The following CLIC5 variants were observed in gnomAD, a reference collection of about 807,000 sequenced individuals.
CLIC5 encodes CLIC family member 5, also known as chloride intracellular channel protein 5.
CLIC5 carries 20 observed loss-of-function variants against 24.7 expected under a neutral mutation model. The ratio of observed to expected loss-of-function variants is 0.81; its 90% CI spans 0.57 to 1.18. The LOEUF (loss-of-function observed/expected upper bound fraction) is 1.18. Ranked by LOEUF, CLIC5 falls within the 50% of genes most tolerant of loss-of-function variation. CLIC5 has a pLI of 0.00. For synonymous variants in CLIC5, 159 were observed against 135.6 expected, an observed-to-expected ratio of 1.17 and a Z score of -1.20; for missense variants, 341 against 326.1, an observed-to-expected ratio of 1.05 and a Z score of -0.35.
intron 1 of CLIC5, among the ~76,000 whole-genome samples, chr6:46,035,997 G>T (rs897062667): frequency 6.6e-6 from 1 of 151,826 alleles, no homozygotes; most frequent in South Asian, 2.1e-4. Flanking sequence ...TGCCTGCCTC[G>T]GCCTCCCAAA....
intron 1 of CLIC5, among the ~76,000 whole-genome samples, chr6:46,010,025 T>C (rs7764169): frequency 6.6e-6 from 1 of 152,108 alleles, no homozygotes; most frequent in South Asian, 2.1e-4. Flanking sequence ...TGTACTTCAG[T>C]TGCCATTGGT....
intron 1 of CLIC5, among the ~76,000 whole-genome samples, chr6:45,994,919 C>T (rs1268673852): frequency 1.3e-5 from 2 of 152,164 alleles, no homozygotes; most frequent in Non-Finnish European, 2.9e-5. Flanking sequence ...AATAACAGTC[C>T]TTTTCCTTTT....
At chr6:45,997,729 A>G (rs1014702290) in intron 1 of CLIC5, among the ~76,000 whole-genome samples, 3 of 152,204 alleles carry the variant, frequency 2.0e-5, no homozygotes, top group African/African-American at 7.2e-5. Context: ...GAAAGAACCA[A>G]TTTCCTGCCA....
chr6:45,921,646 T>C (rs192657786), intron 4 of CLIC5, among the ~76,000 whole-genome samples: 59 of 151,458 alleles, frequency 3.9e-4, no homozygotes, highest in Non-Finnish European at 5.6e-4. Flanking sequence ...AAATTCAGTG[T>C]CTGAAGTGAA....
At chr6:45,967,860 T>C (rs1489535111) in intron 1 of CLIC5, among the ~76,000 whole-genome samples, 1 of 151,966 alleles carries the variant, frequency 6.6e-6, no homozygotes, top group African/African-American at 2.4e-5. Flanking sequence ...GAGCGAGAAC[T>C]CACTCATTAC....
chr6:46,095,663 G>A, the CLIC5 span, among the ~76,000 whole-genome samples: 1 of 152,302 alleles, frequency 6.6e-6, no homozygotes, highest in Middle Eastern at 3.4e-3. Context: ...CTGCAGCCTG[G>A]ATTTCATTGT....
rs190529309 is a variant in CLIC5 at position 45,933,912 on chromosome 6, G to A, written c.406+7635C>T. ...GGAGGAGCACAGCTCACAGGTGGGG[G>A]AAGATGGAGAGGAGTCAGAGCAGCA... On this transcript the variant is annotated intron_variant, in intron 4 of 5. Transcript: ENST00000339561. Among the ~76,000 whole-genome samples, 252 of 152,342 alleles carry A rather than the reference G, an allele frequency of 1.7e-3. 1 individual carries two copies. The highest frequency in any genetic ancestry group is 5.8e-3 in the African/African-American group (242 of 41,576).
intron 1 of CLIC5, among the ~76,000 whole-genome samples, chr6:45,958,417 G>T (rs1764716755): frequency 6.2e-5 from 1 of 16,136 alleles, no homozygotes; most frequent in Non-Finnish European, 1.5e-4. Context: ...GTGTCAAAAA[G>T]ACAATTATAT....
chr6:45,906,161 T>C (rs1041432965), intron 5 of CLIC5, among the ~76,000 whole-genome samples: 5 of 152,210 alleles, frequency 3.3e-5, no homozygotes, highest in African/African-American at 1.2e-4. Flanking sequence ...TCCAGCTTTG[T>C]TCTTTTTGCG....
rs529925298 is a variant in CLIC5 at position 46,061,348 on chromosome 6, C to T, written c.540+18355G>A. ...GGGACTACAGGCATGCACCACCATGCCTGGCTGATGTTTTTGTGTGTTTTA... is the reference window on the plus strand; with the variant it reads ...GGGACTACAGGCATGCACCACCATGTCTGGCTGATGTTTTTGTGTGTTTTA... On this transcript the variant is annotated intron_variant, in intron 1 of 5. Coordinates refer to the CLIC5 transcript ENST00000185206. Among the ~76,000 whole-genome samples, 4 of 152,282 alleles carry T rather than the reference C, an allele frequency of 2.6e-5. No individual in the cohort carries two copies. The East Asian group carries it at 7.7e-4, about 29-fold the overall frequency.
At chr6:45,946,187 C>T (rs1020236150) in intron 3 of CLIC5, among the ~76,000 whole-genome samples, 1 of 152,220 alleles carries the variant, frequency 6.6e-6, no homozygotes, top group Non-Finnish European at 1.5e-5. Flanking sequence ...GCTCCTGACT[C>T]TCAGTGCTGA....
chr6:46,011,729 T>C (rs1766818114), intron 1 of CLIC5, among the ~76,000 whole-genome samples: 1 of 152,230 alleles, frequency 6.6e-6, no homozygotes, highest in African/African-American at 2.4e-5. Context: ...CCTGTGTTTG[T>C]CTTTTCAAAT....
intron 5 of CLIC5, among the ~76,000 whole-genome samples, chr6:45,905,114 T>A (rs1762621655): frequency 6.6e-6 from 1 of 152,236 alleles, no homozygotes; most frequent in South Asian, 2.1e-4. Context: ...GTTTTGTTTA[T>A]TCAGTACACT....
At chr6:45,884,689 A>G (rs1446353206) in intron 6 of CLIC5, among the ~76,000 whole-genome samples, 1 of 152,198 alleles carries the variant, frequency 6.6e-6, no homozygotes, top group Non-Finnish European at 1.5e-5. Context: ...TTGGTGAAGC[A>G]CTGAGATTGG....
At chr6:46,032,601 C>G (rs1202055459) in intron 1 of CLIC5, among the ~76,000 whole-genome samples, 2 of 152,200 alleles carry the variant, frequency 1.3e-5, no homozygotes. Flanking sequence ...TGTGCTGCCT[C>G]CAACCCCCCA....
rs190465414 is a variant in CLIC5, at chr6:46,061,278, C to T, written c.540+18425G>A. On this transcript the variant is annotated intron_variant, in intron 1 of 5. Transcript: ENST00000185206. The stretch of plus-strand genomic sequence containing the variant: ...AATCATAGCTGACTGCAACCTCTGT[C>T]TCCCGGGTTCAAGCAATTCCCCTGC... Among the ~76,000 whole-genome samples, 447 of 152,314 alleles carry T rather than the reference C, an allele frequency of 2.9e-3. 1 individual carries two copies. The highest frequency in any genetic ancestry group is 4.8e-3 in the Non-Finnish European group (326 of 68,034).
chr6:45,903,635 AT>A (rs1231239605), intron 5 of CLIC5, among the ~76,000 whole-genome samples: 1 of 152,210 alleles, frequency 6.6e-6, no homozygotes, highest in Non-Finnish European at 1.5e-5. Flanking sequence ...CACAAATAAA[AT>A]GTCATAGTGG....
At chr6:46,099,110 A>T in the CLIC5 span, among the ~76,000 whole-genome samples, 4 of 152,234 alleles carry the variant, frequency 2.6e-5, no homozygotes, top group Admixed American at 1.3e-4. Flanking sequence ...ATGGCTAAAA[A>T]GTCAGGCCAG....
intron 6 of CLIC5, among the ~76,000 whole-genome samples, chr6:45,881,953 C>T (rs1467088355): frequency 1.4e-5 from 2 of 144,328 alleles, no homozygotes; most frequent in African/African-American, 2.6e-5. Flanking sequence ...CCAGTGTTTA[C>T]ATAGTCAGAG....
Sources: allele counts gnomAD v4.1 joint callset (sites outside exome capture counted in the v4.1 genomes callset), GRCh38; gene constraint gnomAD v4.1.1; transcripts MANE v1.5; gene names NCBI Gene and HGNC (gene_info 2026-07-23, HGNC 2026-07-21).